Variants in CAPN13 observed in about 807,000 individuals in gnomAD.
CAPN13 encodes the protein calpain-13.
In CAPN13, 90 loss-of-function variants were observed where a neutral mutation model predicts 98.4. The ratio of observed to expected loss-of-function variants is 0.92; its 90% CI spans 0.77 to 1.09. The LOEUF (loss-of-function observed/expected upper bound fraction) is 1.09. CAPN13 is among the 50% of genes least tolerant of loss of function. The pLI is 0.00. For synonymous variants in CAPN13, 330 were observed against 305.5 expected (o/e 1.08, Z -0.84); for missense variants, 887 against 841.3 (o/e 1.05, Z -0.67).
chr2:30,763,885 G>A lies in CAPN13; in HGVS notation c.699+247C>T, dbSNP rs55772277. ...AGACTTGTCGAGCCACTTATGAGCT[G>A]TGTGTTGGTGAGCACCTTAGGTAGC... On this transcript the variant is annotated intron_variant, in intron 6 of 22. Transcript: ENST00000295055. 9.4e-3 allele frequency among the ~76,000 whole-genome samples: 1,425 copies of A among 152,350 alleles called. 10 individuals are homozygous for A. Among genetic ancestry groups the A allele is most frequent in the Non-Finnish European group, 0.014 (933 of 68,038 alleles).
chr2:30,763,004 T>G, intron 7 of CAPN13, 78 bp downstream of exon 7: 14 of 1,187,500 alleles, frequency 1.2e-5, no homozygotes, highest in Non-Finnish European at 1.7e-5. Flanking sequence ...TTCATGTGAT[T>G]CTGGCCCCTA....
intron 2 of CAPN13, among the ~76,000 whole-genome samples, chr2:30,786,678 C>T (rs1163402579): frequency 6.6e-6 from 1 of 152,054 alleles, no homozygotes; most frequent in Non-Finnish European, 1.5e-5. Context: ...TAAATTCATC[C>T]TATAGTGTAA....
intron 1 of CAPN13, among the ~76,000 whole-genome samples, chr2:30,787,874 G>C (rs948043167): frequency 3.3e-5 from 5 of 152,100 alleles, no homozygotes; most frequent in African/African-American, 1.2e-4. Context: ...CTGTTAAAGA[G>C]GTGGGGCATG....
At chr2:30,777,249 GCTAA>G (rs761266495) in intron 3 of CAPN13, among the ~76,000 whole-genome samples, 11 of 152,214 alleles carry the variant, frequency 7.2e-5, no homozygotes, top group Non-Finnish European at 1.5e-4. Flanking sequence ...TAACTCTGTT[GCTAA>G]CTGAGTGTGT....
At chr2:30,780,775 T>C (rs1238409158) in intron 2 of CAPN13, among the ~76,000 whole-genome samples, 2 of 152,030 alleles carry the variant, frequency 1.3e-5, no homozygotes, top group African/African-American at 4.8e-5. Flanking sequence ...TGACCAATAA[T>C]CGAAAAAGAG....
intron 2 of CAPN13, among the ~76,000 whole-genome samples, chr2:30,780,067 G>A (rs1673909169): frequency 6.6e-6 from 1 of 152,070 alleles, no homozygotes; most frequent in African/African-American, 2.4e-5. Flanking sequence ...AAATTAACTT[G>A]GCTAACATTG....
chr2:30,729,707 T>C (rs1385790757), intron 22 of CAPN13: 2 of 152,250 alleles, frequency 1.3e-5, no homozygotes. Flanking sequence ...GAAATATTTA[T>C]GCTACAACAT....
At chr2:30,776,851 C>T (rs986274651) in intron 3 of CAPN13, among the ~76,000 whole-genome samples, 1 of 152,206 alleles carries the variant, frequency 6.6e-6, no homozygotes, top group African/African-American at 2.4e-5. Context: ...GTCCTTTCTC[C>T]AGTTAGGTGA....
intron 8 of CAPN13, 80 bp from the exon 9 acceptor site, chr2:30,754,444 T>C (rs1672337077): frequency 1.8e-6 from 2 of 1,139,062 alleles, no homozygotes; most frequent in African/African-American, 1.6e-5. Context: ...ACAGGGACCC[T>C]CTGTACATGT....
chr2:30,779,980 A>G (rs576649992), intron 2 of CAPN13, among the ~76,000 whole-genome samples: 1 of 152,308 alleles, frequency 6.6e-6, no homozygotes, highest in Non-Finnish European at 1.5e-5. Context: ...AGAATTAAAA[A>G]TTGCATTTTA....
chr2:30,777,981 T>G (rs1673787716), intron 2 of CAPN13, among the ~76,000 whole-genome samples: 1 of 152,186 alleles, frequency 6.6e-6, no homozygotes. Flanking sequence ...CAAAAATGAA[T>G]AGAATACATT....
intron 7 of CAPN13, among the ~76,000 whole-genome samples, chr2:30,758,888 T>C (rs1159858527): frequency 7.1e-6 from 1 of 140,588 alleles, no homozygotes; most frequent in Non-Finnish European, 1.5e-5. Flanking sequence ...CTACCCTCCT[T>C]TCCCTTACTC....
intron 22 of CAPN13, among the ~76,000 whole-genome samples, chr2:30,728,649 G>A (rs1670946020): frequency 6.6e-6 from 1 of 152,226 alleles, no homozygotes; most frequent in Admixed American, 6.5e-5. Context: ...ACAGGCTCCT[G>A]TGGTCCATGT....
At chr2:30,761,632 G>C (rs547095632) in intron 7 of CAPN13, among the ~76,000 whole-genome samples, 2 of 152,288 alleles carry the variant, frequency 1.3e-5, no homozygotes, top group East Asian at 3.9e-4. Context: ...CATTGCAAAG[G>C]CACCTGACTT....
intron 6 of CAPN13, among the ~76,000 whole-genome samples, chr2:30,763,396 G>A (rs1042007453): frequency 4.6e-5 from 7 of 152,192 alleles, no homozygotes; most frequent in African/African-American, 1.2e-4. Flanking sequence ...GTGGAGTCCC[G>A]AGGGCCTGGG....
intron 19 of CAPN13, among the ~76,000 whole-genome samples, chr2:30,734,009 T>A (rs577129913): frequency 6.6e-6 from 1 of 152,296 alleles, no homozygotes; most frequent in African/African-American, 2.4e-5. Context: ...AGCCTTTGCC[T>A]ACTTGAAGCA....
Position 30,732,452 on chromosome 2 carries a change from A to G in CAPN13, c.1913T>C (p.Leu638Pro), listed in dbSNP as rs1451716398. Reference sequence around the variant, plus strand: ...GGGACACTTACTTGCCATGGCTTCAAGCCGCATCAGGAAGCAGACCAGGCT... The same window carrying G: ...GGGACACTTACTTGCCATGGCTTCAGGCCGCATCAGGAAGCAGACCAGGCT... ...FPSLVCFLMR[L>P]EAMAKTFRNL... Residue 638 changes from leucine to proline, a missense_variant, in exon 20 of 23, where the codon CTT becomes CCT. Physicochemically the swap from Leu to Pro is moderately conservative, Grantham distance 98. Transcript: ENST00000295055. 1 of 1,613,530 alleles carries G rather than the reference A, an allele frequency of 6.2e-7. No individual in the cohort carries two copies. Among genetic ancestry groups the G allele is most frequent in the Non-Finnish European group, 8.5e-7 (1 of 1,179,824 alleles).
chr2:30,774,344 G>A (rs558061711), intron 4 of CAPN13, among the ~76,000 whole-genome samples: 1 of 151,838 alleles, frequency 6.6e-6, no homozygotes, highest in South Asian at 2.1e-4. Context: ...AGAATAGAAA[G>A]ACTCATGAAA....
chr2:30,750,417 A>G (rs900076557), intron 11 of CAPN13, among the ~76,000 whole-genome samples: 1 of 152,116 alleles, frequency 6.6e-6, no homozygotes, highest in Non-Finnish European at 1.5e-5. Context: ...ACACATGTTT[A>G]CCTATGTAAG....
Sources: gnomAD v4.1 joint callset for allele counts (sites outside exome capture counted in the v4.1 genomes callset) on GRCh38, gnomAD v4.1.1 for gene constraint, MANE v1.5 for transcripts, NCBI Gene and HGNC (gene_info 2026-07-23, HGNC 2026-07-21) for gene names.